Variants in MAF observed in about 807,000 individuals in gnomAD.
MAF encodes MAF bZIP transcription factor.
In MAF, 10 loss-of-function variants were observed where a neutral mutation model predicts 22.0. The ratio of observed to expected loss-of-function variants is 0.45; its 90% CI spans 0.28 to 0.77. The LOEUF (loss-of-function observed/expected upper bound fraction) is 0.77, where lower values mean the gene tolerates loss of function less well. Ranked by LOEUF, MAF falls within the 30% of genes least tolerant of loss-of-function variation. The pLI is 0.12. For synonymous variants in MAF, 337 were observed against 255.8 expected (o/e 1.32, Z -3.03); for missense variants, 544 against 548.4 (o/e 0.99, Z 0.08).
chr16:79,237,473 G>A, the MAF span, among the ~76,000 whole-genome samples: 2 of 152,040 alleles, frequency 1.3e-5, no homozygotes, highest in Non-Finnish European at 2.9e-5. Flanking sequence ...ACTGGAAATG[G>A]TTGGTTGGAG....
chr16:79,536,481 A>G, the MAF span, among the ~76,000 whole-genome samples: 2 of 152,132 alleles, frequency 1.3e-5, no homozygotes, highest in South Asian at 4.2e-4. Flanking sequence ...CATCTCTACT[A>G]AAAGTACAAA....
At chr16:79,396,773 G>A in the MAF span, among the ~76,000 whole-genome samples, 38 of 152,360 alleles carry the variant, frequency 2.5e-4, 1 homozygote, top group Admixed American at 7.8e-4. Flanking sequence ...TAATTTATTA[G>A]TTCTGGGGTG....
chr16:79,531,199 G>A, the MAF span, among the ~76,000 whole-genome samples: 3 of 152,184 alleles, frequency 2.0e-5, no homozygotes, highest in Non-Finnish European at 2.9e-5. Context: ...GTTCAAAGGG[G>A]TAAAGTCCAG....
chr16:79,522,276 C>A, the MAF span, among the ~76,000 whole-genome samples: 18 of 152,304 alleles, frequency 1.2e-4, no homozygotes, highest in African/African-American at 3.8e-4. Flanking sequence ...GGGATAGAAG[C>A]CACATTTCTC....
chr16:79,364,011 C>CT, the MAF span, among the ~76,000 whole-genome samples: 5,887 of 152,164 alleles, frequency 0.039, 254 homozygotes, highest in African/African-American at 0.1. Flanking sequence ...GAGGTTGTGC[C>CT]CGAAAAGCAA....
the MAF span, among the ~76,000 whole-genome samples, chr16:79,375,199 G>A: frequency 7.2e-4 from 109 of 152,334 alleles, 1 homozygote; most frequent in African/African-American, 2.5e-3. Flanking sequence ...TTCAGCAAGG[G>A]AGGTTTGATG....
the MAF span, among the ~76,000 whole-genome samples, chr16:79,530,308 G>T: frequency 3.3e-5 from 5 of 152,146 alleles, no homozygotes; most frequent in African/African-American, 1.2e-4. Flanking sequence ...GGGCTGGGGG[G>T]TGGACCTACA....
At chr16:79,547,920 T>G in the MAF span, among the ~76,000 whole-genome samples, 22,156 of 118,602 alleles carry the variant, frequency 0.19, 1,958 homozygotes, top group South Asian at 0.21. Flanking sequence ...GAGAGAGAGA[T>G]AGAGAGAGAG....
chr16:79,348,273 T>C, the MAF span, among the ~76,000 whole-genome samples: 106 of 152,334 alleles, frequency 7.0e-4, no homozygotes, highest in African/African-American at 2.3e-3. Flanking sequence ...GCGGAGTAAA[T>C]AAATTTCTTC....
At chr16:79,493,972 C>T in the MAF span, among the ~76,000 whole-genome samples, 5,697 of 151,378 alleles carry the variant, frequency 0.038, 341 homozygotes, top group African/African-American at 0.13. Context: ...GAAAATCAGG[C>T]TCTTTCAAAA....
chr16:79,551,719 A>G, the MAF span, among the ~76,000 whole-genome samples: 1 of 152,210 alleles, frequency 6.6e-6, no homozygotes, highest in African/African-American at 2.4e-5. Flanking sequence ...TTAATGACAC[A>G]TGAAAATTAG....
the MAF span, among the ~76,000 whole-genome samples, chr16:79,253,785 G>C: frequency 6.6e-6 from 1 of 152,068 alleles, no homozygotes; most frequent in Non-Finnish European, 1.5e-5. Context: ...CCTGGGATTT[G>C]GGCTATCACA....
the MAF span, among the ~76,000 whole-genome samples, chr16:79,542,719 G>A: frequency 2.6e-5 from 4 of 152,188 alleles, no homozygotes; most frequent in Admixed American, 2.0e-4. Context: ...CCTGGACTGG[G>A]AGGGGTTAGC....
the MAF span, among the ~76,000 whole-genome samples, chr16:79,514,037 T>C: frequency 6.6e-6 from 1 of 152,218 alleles, no homozygotes; most frequent in Admixed American, 6.5e-5. Context: ...GTTCTCAGTG[T>C]CTATTTTATC....
the MAF span, among the ~76,000 whole-genome samples, chr16:79,221,354 C>T: frequency 6.6e-6 from 1 of 152,150 alleles, no homozygotes; most frequent in Non-Finnish European, 1.5e-5. Flanking sequence ...AGTCATGTTA[C>T]CGTTTTCTGA....
At chr16:79,211,733 C>T in the MAF span, 3 of 1,614,216 alleles carry the variant, frequency 1.9e-6, no homozygotes, top group Admixed American at 1.7e-5. Context: ...AAGAGACGGC[C>T]CGGACCCTGT....
chr16:79,280,071 G>C, the MAF span, among the ~76,000 whole-genome samples: 1 of 152,174 alleles, frequency 6.6e-6, no homozygotes, highest in Non-Finnish European at 1.5e-5. Context: ...CAGCAGGTAA[G>C]GAAACAGGAA....
At chr16:79,575,732 C>T in the MAF span, among the ~76,000 whole-genome samples, 1 of 152,188 alleles carries the variant, frequency 6.6e-6, no homozygotes, top group Non-Finnish European at 1.5e-5. Context: ...ATTTTTCCCG[C>T]TAGCCAGCTT....
the MAF span, among the ~76,000 whole-genome samples, chr16:79,517,923 T>G: frequency 6.6e-6 from 1 of 152,118 alleles, no homozygotes; most frequent in Non-Finnish European, 1.5e-5. Flanking sequence ...ATACCCACAA[T>G]AGTGGACCAA....
Sources: gnomAD v4.1 joint callset for allele counts (sites outside exome capture counted in the v4.1 genomes callset) on GRCh38, gnomAD v4.1.1 for gene constraint, MANE v1.5 for transcripts, NCBI Gene and HGNC (gene_info 2026-07-23, HGNC 2026-07-21) for gene names.